ZDHHC14: variants seen among roughly 807,000 people sequenced by gnomAD.
ZDHHC14 encodes zDHHC palmitoyltransferase 14, also known as palmitoyltransferase ZDHHC14.
ZDHHC14 carries 16 observed loss-of-function variants against 47.7 expected under a neutral mutation model. The observed-to-expected ratio is 0.34, with a 90% CI of 0.23 to 0.51. ZDHHC14 has a LOEUF of 0.51. Ranked by LOEUF, ZDHHC14 falls within the 20% of genes least tolerant of loss-of-function variation. The pLI is 0.97. For synonymous variants in ZDHHC14, 293 were observed against 278.9 expected, an observed-to-expected ratio of 1.05 and a Z score of -0.50; for missense variants, 515 against 662.5, an observed-to-expected ratio of 0.78 and a Z score of 2.44.
chr6:157,416,449 G>C (rs1420537091), intron 1 of ZDHHC14, among the ~76,000 whole-genome samples: 1 of 151,878 alleles, frequency 6.6e-6, no homozygotes, highest in Non-Finnish European at 1.5e-5. Flanking sequence ...GATTGCTTAA[G>C]TTCAAGAGTT....
chr6:157,470,275 C>G (rs1779323721), intron 1 of ZDHHC14, among the ~76,000 whole-genome samples: 1 of 152,150 alleles, frequency 6.6e-6, no homozygotes, highest in Admixed American at 6.5e-5. Flanking sequence ...ATTAAATGTC[C>G]AAAAACAGGA....
At chr6:157,591,199 TG>T (rs1003166199) in intron 2 of ZDHHC14, among the ~76,000 whole-genome samples, 48 of 152,324 alleles carry the variant, frequency 3.2e-4, no homozygotes, top group African/African-American at 1.1e-3. Context: ...GCTAAGACTT[TG>T]GGGGACTGTT....
rs1474236770 is a variant in ZDHHC14 at position 157,595,312 on chromosome 6, C to T, written c.565+2166C>T. On this transcript the variant is annotated intron_variant, in intron 3 of 8. Coordinates refer to ENST00000359775, the MANE Select transcript of ZDHHC14 (RefSeq NM_024630.3). ...GATTCAAACAATTCTCCTGCCCCAG[C>T]CTCCCGAGTAGCTGGACTACAGGCG... Among the ~76,000 whole-genome samples the T allele has an allele frequency of 3.3e-5, 5 of 151,300 alleles. No individual in the cohort carries two copies. In the East Asian group the frequency reaches 7.8e-4, roughly 24 times the overall value.
rs570772103 is a variant in ZDHHC14 at position 157,416,670 on chromosome 6, TAAAAA to T, written c.245+34426_245+34430del. ...GTGACAGAGTGAGACCCTGTCTCAT[TAAAAA>T]AAAAAAAAAAAAAAAAAAAAAGATA... On this transcript the variant is annotated intron_variant, in intron 1 of 8. Coordinates refer to ENST00000359775, the MANE Select transcript of ZDHHC14 (RefSeq NM_024630.3). 1.8e-3 allele frequency among the ~76,000 whole-genome samples: 134 copies of T among 75,330 alleles called. 2 individuals are homozygous for T. The highest frequency in any genetic ancestry group is 9.1e-3 in the South Asian group (18 of 1,970). 49.4% of individuals were successfully genotyped at this position (75,330 alleles called of 152,430 possible).
rs1192072494 is a variant in ZDHHC14 at position 157,595,657 on chromosome 6, T to G, written c.565+2511T>G. Among the ~76,000 whole-genome samples the G allele has an allele frequency of 3.3e-5, 5 of 152,298 alleles. No individual in the cohort carries two copies. The East Asian group carries it at 7.7e-4, about 24-fold the overall frequency. ...GTATGTGTCCCTTAAAGAACCCTGA[T>G]GAATGAGATGTAAAAGCCCCTTATC... On this transcript the variant is annotated intron_variant, in intron 3 of 8. Transcript: ENST00000359775.
intron 1 of ZDHHC14, among the ~76,000 whole-genome samples, chr6:157,450,537 C>T (rs1583655719): frequency 6.7e-6 from 1 of 148,662 alleles, no homozygotes. Flanking sequence ...AAAAAAAATC[C>T]TGAACACTCA....
At chr6:157,508,337 T>A (rs1378289248) in intron 1 of ZDHHC14, among the ~76,000 whole-genome samples, 1 of 152,174 alleles carries the variant, frequency 6.6e-6, no homozygotes, top group Non-Finnish European at 1.5e-5. Context: ...ACTTCTTTTG[T>A]ATCTGTAACT....
intron 3 of ZDHHC14, among the ~76,000 whole-genome samples, chr6:157,606,600 C>G (rs1012589425): frequency 3.3e-5 from 5 of 152,214 alleles, no homozygotes; most frequent in African/African-American, 7.2e-5. Context: ...CCCATGGCCT[C>G]GAGAGAATGA....
intron 1 of ZDHHC14, among the ~76,000 whole-genome samples, chr6:157,455,043 C>G (rs1227877846): frequency 2.0e-5 from 3 of 152,182 alleles, no homozygotes; most frequent in African/African-American, 4.8e-5. Flanking sequence ...ACTGACGGGC[C>G]CATCCATTCT....
intron 2 of ZDHHC14, among the ~76,000 whole-genome samples, chr6:157,553,590 C>T (rs1183225489): frequency 1.3e-5 from 2 of 151,396 alleles, no homozygotes; most frequent in African/African-American, 2.4e-5. Flanking sequence ...TTTGCCTTCC[C>T]GGTGACCTTT....
intron 3 of ZDHHC14, among the ~76,000 whole-genome samples, chr6:157,616,324 T>C (rs1784961097): frequency 6.6e-6 from 1 of 152,146 alleles, no homozygotes; most frequent in Admixed American, 6.5e-5. Context: ...AATAAATGGG[T>C]TCCCCATGGG....
intron 2 of ZDHHC14, among the ~76,000 whole-genome samples, chr6:157,588,076 G>A (rs1029775622): frequency 1.2e-4 from 19 of 152,214 alleles, no homozygotes; most frequent in Non-Finnish European, 1.5e-5. Flanking sequence ...CCAACATATA[G>A]TGAAACCCTG....
chr6:157,605,802 A>G (rs1344519060), intron 3 of ZDHHC14, among the ~76,000 whole-genome samples: 1 of 152,186 alleles, frequency 6.6e-6, no homozygotes, highest in Non-Finnish European at 1.5e-5. Flanking sequence ...GCGTGGGCAC[A>G]GCGGGTGGGG....
Position 157,450,302 on chromosome 6 carries a change from GTTT to G in ZDHHC14, c.245+68037_245+68039del, listed in dbSNP as rs1293578114. 3.9e-5 allele frequency among the ~76,000 whole-genome samples: 6 copies of G among 152,080 alleles called. No homozygotes were observed. In the South Asian group the frequency reaches 8.3e-4, roughly 21 times the overall value. The stretch of plus-strand genomic sequence containing the variant: ...GTTATAAACATTAACAAACAAATGT[GTTT>G]AAAGAGGAATAGTTCTGAATCCATG... On this transcript the variant is annotated intron_variant, in intron 1 of 8. Coordinates refer to ENST00000359775, the MANE Select transcript of ZDHHC14 (RefSeq NM_024630.3).
At chr6:157,445,317 C>T (rs1021621966) in intron 1 of ZDHHC14, among the ~76,000 whole-genome samples, 3 of 152,130 alleles carry the variant, frequency 2.0e-5, no homozygotes, top group African/African-American at 4.8e-5. Flanking sequence ...CTTCTTATAG[C>T]AGTTTTGATT....
chr6:157,474,296 T>C (rs1779427119), intron 1 of ZDHHC14, among the ~76,000 whole-genome samples: 1 of 152,162 alleles, frequency 6.6e-6, no homozygotes, highest in Non-Finnish European at 1.5e-5. Context: ...CAGCCCCACA[T>C]TTTCTTTATT....
intron 8 of ZDHHC14, among the ~76,000 whole-genome samples, chr6:157,660,568 C>T (rs1763255765): frequency 6.6e-6 from 1 of 152,192 alleles, no homozygotes; most frequent in Non-Finnish European, 1.5e-5. Flanking sequence ...CTCTTCAGAC[C>T]TGGCCCTATG....
intron 1 of ZDHHC14, among the ~76,000 whole-genome samples, chr6:157,468,143 A>G (rs1779265533): frequency 6.6e-6 from 1 of 152,204 alleles, no homozygotes; most frequent in African/African-American, 2.4e-5. Flanking sequence ...AGCACCAGGG[A>G]AAGAACCTGA....
chr6:157,627,552 C>T (rs965592528), intron 3 of ZDHHC14, among the ~76,000 whole-genome samples: 1 of 152,140 alleles, frequency 6.6e-6, no homozygotes, highest in African/African-American at 2.4e-5. Context: ...GGTGAGAGGC[C>T]TGGGGTCTGC....
Sources: allele counts gnomAD v4.1 joint callset (sites outside exome capture counted in the v4.1 genomes callset), GRCh38; gene constraint gnomAD v4.1.1; transcripts MANE v1.5; gene names NCBI Gene and HGNC (gene_info 2026-07-23, HGNC 2026-07-21).